Variants in RARS2 observed in about 807,000 individuals in gnomAD.
RARS2 encodes probable arginine--tRNA ligase, mitochondrial.
A neutral mutation model predicts 88.5 loss-of-function variants in RARS2; 67 were observed. That is an observed-to-expected ratio of 0.76 (90% CI 0.62 to 0.93). RARS2 has a LOEUF of 0.93. Among genes scored for constraint, RARS2 ranks in the 40% least tolerant of loss-of-function variants. The probability of loss-of-function intolerance (pLI) is 0.00; values close to 1 mark genes in which losing one functional copy is unlikely to be tolerated. For synonymous variants in RARS2, 239 were observed against 230.3 expected (o/e 1.04, Z -0.34); for missense variants, 664 against 684.2 (o/e 0.97, Z 0.33).
At chr6:87,520,055 T>C (rs1207073804) in intron 13 of RARS2, 125 bp downstream of exon 13, 1 of 853,308 alleles carries the variant, frequency 1.2e-6, no homozygotes, top group African/African-American at 1.7e-5. Flanking sequence ...AAAAATCAAA[T>C]CTACCTTTCC....
intron 2 of RARS2, among the ~76,000 whole-genome samples, chr6:87,567,689 C>T (rs183746500): frequency 2.3e-3 from 347 of 152,284 alleles, no homozygotes; most frequent in African/African-American, 7.6e-3. Context: ...ACTAGAGGTT[C>T]CCTTTGTTTT....
At chr6:87,587,986 C>T (rs1018678901) in intron 1 of RARS2, among the ~76,000 whole-genome samples, 2 of 152,122 alleles carry the variant, frequency 1.3e-5, no homozygotes, top group African/African-American at 4.8e-5. Flanking sequence ...GTTGCCCAGG[C>T]TGGTCTTGAA....
At chr6:87,535,680 T>G (rs1248699682) in intron 8 of RARS2, among the ~76,000 whole-genome samples, 2 of 147,136 alleles carry the variant, frequency 1.4e-5, no homozygotes, top group Non-Finnish European at 3.0e-5. Context: ...TGTTTTGTTT[T>G]TTTTTTTTTT....
At chr6:87,556,258 G>C (rs1258346474) in intron 4 of RARS2, among the ~76,000 whole-genome samples, 5 of 152,012 alleles carry the variant, frequency 3.3e-5, no homozygotes, top group African/African-American at 1.2e-4. Flanking sequence ...ATGAACTTTT[G>C]TTTACTCATA....
At chr6:87,559,005 G>A (rs1786940248) in intron 4 of RARS2, among the ~76,000 whole-genome samples, 2 of 152,168 alleles carry the variant, frequency 1.3e-5, no homozygotes, top group South Asian at 4.1e-4. Context: ...TGATATTGAT[G>A]ATCCTGACCC....
rs13202825 is a variant in RARS2, at chr6:87,519,414, A to G, written c.1237+169T>C. Among the ~76,000 whole-genome samples the G allele has an allele frequency of 0.064, 9,661 of 152,118 alleles. 390 individuals are homozygous for G. Among genetic ancestry groups the G allele is most frequent in the African/African-American group, 0.12 (4,837 of 41,458 alleles). ...AGATTATTGAAGTGACCAATTCCTGAGTAGCGAGTATAAAAATTCTGGCAC... is the reference window on the plus strand; with the variant it reads ...AGATTATTGAAGTGACCAATTCCTGGGTAGCGAGTATAAAAATTCTGGCAC... On this transcript the variant is annotated intron_variant, in intron 14 of 19. Coordinates refer to ENST00000369536, the MANE Select transcript of RARS2 (RefSeq NM_020320.5).
At chr6:87,559,582 C>T (rs1294307027) in intron 4 of RARS2, among the ~76,000 whole-genome samples, 1 of 152,094 alleles carries the variant, frequency 6.6e-6, no homozygotes, top group African/African-American at 2.4e-5. Flanking sequence ...CCCTAACACT[C>T]CTGGGCTCAA....
At chr6:87,569,659 T>C in intron 1 of RARS2, 69 bp from the exon 2 acceptor site, 1 of 1,216,146 alleles carries the variant, frequency 8.2e-7, no homozygotes, top group Non-Finnish European at 1.2e-6. Flanking sequence ...GGAATACCAC[T>C]TGTAAGAATA....
chr6:87,529,445 G>A (rs1776746756), intron 10 of RARS2, 97 bp downstream of exon 10: 2 of 828,396 alleles, frequency 2.4e-6, no homozygotes, highest in South Asian at 2.8e-5. Context: ...TCCCAAGAAA[G>A]CTGCACATTG....
chr6:87,542,000 A>G lies in RARS2; in HGVS notation c.536-6T>C, dbSNP rs1781142275. 2.5e-6 allele frequency: 4 copies of G among 1,608,868 alleles called. No homozygotes were observed. The highest frequency in any genetic ancestry group is 2.2e-5 in the East Asian group (1 of 44,828). ...GAAGCCAGTTCCCAGAAGACCTACC[A>G]TGATAATCCGTAAATGAAAAATTAT... is the stretch of plus-strand genomic sequence containing the variant. On this transcript the variant is annotated splice_polypyrimidine_tract_variant and splice_region_variant and intron_variant, in intron 7 of 19. Transcript: ENST00000369536.
intron 17 of RARS2, among the ~76,000 whole-genome samples, chr6:87,517,627 A>G (rs1238437987): frequency 2.0e-5 from 3 of 152,214 alleles, no homozygotes; most frequent in Non-Finnish European, 4.4e-5. Context: ...CACCTTGTTC[A>G]TAACCATCCA....
At position 87,518,158 on chromosome 6, in the gene RARS2, AAAC is replaced by A. The variant is rs1308800901; in HGVS notation, c.1511+8_1511+10del. 6.2e-7 allele frequency: 1 copy of A among 1,614,162 alleles called. No homozygotes were observed. Among genetic ancestry groups the A allele is most frequent in the Admixed American group, 1.7e-5 (1 of 60,022 alleles). ...AGAAGCACACTTGATGATCCCTGGA[AAAC>A]ATCATACCTGAGAAGATGCTGAAGA... On this transcript the variant is annotated splice_region_variant and intron_variant, in intron 17 of 19. Transcript: ENST00000369536.
chr6:87,570,700 G>A (rs1026577117), intron 1 of RARS2, among the ~76,000 whole-genome samples: 3 of 152,116 alleles, frequency 2.0e-5, no homozygotes, highest in East Asian at 1.9e-4. Context: ...CATTATAGGC[G>A]TAAACCACCA....
chr6:87,589,505 C>G (rs772864525), intron 1 of RARS2, among the ~76,000 whole-genome samples: 5 of 152,146 alleles, frequency 3.3e-5, no homozygotes, highest in Non-Finnish European at 7.3e-5. Context: ...GGTAGGCTGC[C>G]TAAGTGACTG....
chr6:87,543,916 AAAGT>A (rs1325873180), intron 7 of RARS2, among the ~76,000 whole-genome samples: 20 of 152,192 alleles, frequency 1.3e-4, no homozygotes, highest in African/African-American at 4.1e-4. Context: ...AAAAATGGGA[AAAGT>A]AAGGGCCAAT....
rs564531082 is a variant in RARS2 at position 87,545,143 on chromosome 6, C to T, written c.535+473G>A. On this transcript the variant is annotated intron_variant, in intron 7 of 19. Coordinates refer to ENST00000369536, the MANE Select transcript of RARS2 (RefSeq NM_020320.5). ...AGACAAGGTCCTGCTCTGTCAACCA[C>T]GCTGGGTGCAGTGGACTGCAGTCTT... Among the ~76,000 whole-genome samples, 5 of 152,336 alleles carry T rather than the reference C, an allele frequency of 3.3e-5. No individual in the cohort carries two copies. The South Asian group carries it at 6.2e-4, about 19-fold the overall frequency.
chr6:87,562,659 G>C, intron 4 of RARS2, 43 bp downstream of exon 4: 5 of 1,448,158 alleles, frequency 3.5e-6, no homozygotes, highest in African/African-American at 1.4e-5. Context: ...GGCTGAAGCA[G>C]ACAGAATGAA....
intron 1 of RARS2, among the ~76,000 whole-genome samples, chr6:87,581,630 T>C (rs984738470): frequency 7.6e-6 from 1 of 131,376 alleles, no homozygotes; most frequent in Non-Finnish European, 1.6e-5. Context: ...CCGGGGTACA[T>C]GTGCAGGATG....
Position 87,541,948 on chromosome 6 carries a change from C to A in RARS2, c.582G>T (p.Leu194=), listed in dbSNP as rs199697348. ...AGAGATGCTGTAGAGGATTGGACTG[C>A]AGTTTTTCCTCATAGCCAAACAGCT... ...GFQLFGYEEK[L]QSNPLQHLFE... The change falls in exon 8 of 20, where the codon CTG becomes CTT. Residue 194 remains leucine (L), a synonymous_variant. Coordinates refer to ENST00000369536, the MANE Select transcript of RARS2 (RefSeq NM_020320.5). The A allele has an allele frequency of 2.5e-6, 4 of 1,613,660 alleles. No homozygotes were observed. The highest frequency in any genetic ancestry group is 1.7e-5 in the Admixed American group (1 of 60,020).
Sources: gnomAD v4.1 joint callset for allele counts (sites outside exome capture counted in the v4.1 genomes callset) on GRCh38, gnomAD v4.1.1 for gene constraint, MANE v1.5 for transcripts, NCBI Gene and HGNC (gene_info 2026-07-23, HGNC 2026-07-21) for gene names.